ZNF628: variants seen among roughly 807,000 people sequenced by gnomAD.
ZNF628 encodes zinc finger protein 628, also known as zinc finger protein Zec.
In ZNF628, 3 loss-of-function variants were observed where a neutral mutation model predicts 2.5. The ratio of observed to expected loss-of-function variants is 1.19; its 90% CI spans 0.54 to 3.07. ZNF628 has a LOEUF of 3.07. Ranked by LOEUF, ZNF628 falls within the 30% of genes most tolerant of loss-of-function variation. The pLI, the probability that ZNF628 is intolerant of heterozygous loss-of-function variation, is 0.03. For missense variants in ZNF628, 1,610 were observed against 1,517.1 expected, an observed-to-expected ratio of 1.06 and a Z score of -1.02; for synonymous variants, 861 against 717.1, an observed-to-expected ratio of 1.20 and a Z score of -3.21.
rs555726710 is a variant in ZNF628 at position 55,479,358 on chromosome 19, T to G, written c.-77-476T>G. The stretch of plus-strand genomic sequence containing the variant: ...GGAAAGAGCGGGCTGACACTTGAGC[T>G]GCTCTGCTGTGAAGGAATGGAGAAA... On this transcript the variant is annotated intron_variant, in intron 1 of 2. Coordinates refer to ENST00000598519, the MANE Select transcript of ZNF628 (RefSeq NM_033113.3). The surrounding 1 kb of genome is among the most constrained non-coding windows in gnomAD (Gnocchi z 5.1). 6.6e-6 allele frequency among the ~76,000 whole-genome samples: 1 copy of G among 152,358 alleles called. No individual in the cohort carries two copies. The highest frequency in any genetic ancestry group is 6.5e-5 in the Admixed American group (1 of 15,302).
chr19:55,482,656 G>T lies in ZNF628; in HGVS notation c.1463G>T (p.Gly488Val). Residue 488 changes from glycine to valine, a missense_variant, in exon 3 of 3, where the codon GGC becomes GTC. Around this residue, in one of 5 missense-constraint regions of ZNF628, gnomAD observed 651 missense variants for 575.6 expected, o/e 1.13. Coordinates refer to ENST00000598519, the MANE Select transcript of ZNF628 (RefSeq NM_033113.3). ...CGGCCCTACCAGTGTGGCGAGTGCG[G>T]CAAGGCCTTCAAGCGCTCCTCCCTG... Reference protein sequence around the residue: ...GERPYQCGECGKAFKRSSLLA... With the variant: ...GERPYQCGECVKAFKRSSLLA... 2 of 1,610,676 alleles carry T rather than the reference G, an allele frequency of 1.2e-6. No homozygotes were observed. Among genetic ancestry groups the T allele is most frequent in the Non-Finnish European group, 1.7e-6 (2 of 1,179,044 alleles).
rs987396187 is a variant in ZNF628, at chr19:55,482,934, C to T, written c.1741C>T (p.Leu581=). 6.8e-6 allele frequency: 11 copies of T among 1,609,668 alleles called. No individual in the cohort carries two copies. The highest frequency in any genetic ancestry group is 4.0e-5 in the African/African-American group (3 of 74,874). Residue 581 remains leucine, a synonymous_variant, in exon 3 of 3, where the codon CTG becomes TTG. Transcript: ENST00000598519. ...CGKSFAQTSN[L]RQHQRVHTGE... ...CAAGAGCTTCGCGCAGACCTCCAAC[C>T]TGCGGCAGCACCAGCGCGTGCACAC... is the stretch of plus-strand genomic sequence containing the variant.
rs758382021 is a variant in ZNF628, at chr19:55,482,591, C to T, written c.1398C>T (p.Ser466=). The change falls in exon 3 of 3, where the codon TCC becomes TCT. Residue 466 remains serine, a synonymous_variant. Coordinates refer to ENST00000598519, the MANE Select transcript of ZNF628 (RefSeq NM_033113.3). ...AGTGCGGCAAGTCCTTCAAGGGCTC[C>T]TCCGGGCTGCGCTACCACCTGCGGG... ...CAECGKSFKG[S]SGLRYHLRDH... is the part of the protein sequence containing the mutation. 19 of 1,603,114 alleles carry T rather than the reference C, an allele frequency of 1.2e-5. No homozygotes were observed. Among genetic ancestry groups the T allele is most frequent in the African/African-American group, 6.7e-5 (5 of 74,840 alleles).
Position 55,482,954 on chromosome 19 carries a change from G to T in ZNF628, c.1761G>T (p.Val587=), listed in dbSNP as rs1337049730. The T allele has an allele frequency of 2.5e-6, 4 of 1,609,528 alleles. No individual in the cohort carries two copies. The South Asian group carries it at 3.3e-5, about 13-fold the overall frequency. ...CCAACCTGCGGCAGCACCAGCGCGT[G>T]CACACGGGCGAGCGGCCCTTCCGCT... The part of the protein sequence containing the change: ...QTSNLRQHQR[V]HTGERPFRCP... Residue 587 remains valine (V), a synonymous_variant, in exon 3 of 3, where the codon GTG becomes GTT. Coordinates refer to ENST00000598519, the MANE Select transcript of ZNF628 (RefSeq NM_033113.3).
Position 55,481,700 on chromosome 19 carries a change from G to A in ZNF628, c.507G>A (p.Val169=), listed in dbSNP as rs149192703. ...CCAGCCTGCGGCGCCACCGCCACGT[G>A]CACACCGGCGAGCGGCCCTACACCT... ...NSSSLRRHRH[V]HTGERPYTCG... Residue 169 remains valine (V), a synonymous_variant, in exon 3 of 3, where the codon GTG becomes GTA. Transcript: ENST00000598519. The A allele has an allele frequency of 8.7e-4, 1,408 of 1,612,224 alleles. 3 individuals carry two copies. The highest frequency in any genetic ancestry group is 2.1e-3 in the South Asian group (193 of 90,980).
Position 55,482,229 on chromosome 19 carries a change from C to T in ZNF628, c.1036C>T (p.Pro346Ser), listed in dbSNP as rs1464473804. 4 of 1,450,758 alleles carry T rather than the reference C, an allele frequency of 2.8e-6. No homozygotes were observed. The highest frequency in any genetic ancestry group is 1.5e-5 in the African/African-American group (1 of 66,988). 89.9% of individuals were successfully genotyped at this position (1,450,758 alleles called of 1,614,324 possible). The change falls in exon 3 of 3, where the codon CCT becomes TCT. Residue 346 changes from proline (P) to serine (S), a missense_variant. Physicochemically the swap from Pro to Ser is moderately conservative, Grantham distance 74 (BLOSUM62 -1). Around this residue, in one of 5 missense-constraint regions of ZNF628, gnomAD observed 651 missense variants for 575.6 expected, o/e 1.13. Transcript: ENST00000598519. ...GCCACCGTCCCCTCTGCCGCAGCCC[C>T]CTCCTCCCGCCGCCGCCCCCGCGCC... ...DQPPSPLPQP[P>S]PPAAAPAPGF...
In ZNF628 at chr19:55,481,183, C is replaced by A; in HGVS notation, c.8-18C>A. 3 of 1,512,320 alleles carry A rather than the reference C, an allele frequency of 2.0e-6. No homozygotes were observed. The highest frequency in any genetic ancestry group is 2.6e-6 in the Non-Finnish European group (3 of 1,133,348). 93.7% of individuals were successfully genotyped at this position (1,512,320 alleles called of 1,614,324 possible). A position where few individuals can be genotyped will look rare whatever the true frequency, so the allele number is the denominator to read the frequency against. On this transcript the variant is annotated intron_variant, in intron 2 of 2. Coordinates refer to ENST00000598519, the MANE Select transcript of ZNF628 (RefSeq NM_033113.3). ...TCCAGTGCGGGGGTGAGCCGCTGAC[C>A]CAGAATCCCTCCCCCAGGTGTGATG...
rs2123412951 is a variant in ZNF628, at chr19:55,482,485, A to G, written c.1292A>G (p.Glu431Gly). The stretch of plus-strand genomic sequence containing the variant: ...GCTGCGGAGGTGACCTGCCCCCAGG[A>G]ACCGCTGGCGCCTGCCGCCCCCGTC... ...AEAAEVTCPQ[E>G]PLAPAAPVPP... The change falls in exon 3 of 3, where the codon GAA becomes GGA. Residue 431 changes from glutamate (E) to glycine (G), a missense_variant. Coordinates refer to ENST00000598519, the MANE Select transcript of ZNF628 (RefSeq NM_033113.3). 7.0e-7 allele frequency: 1 copy of G among 1,438,758 alleles called. No homozygotes were observed. Among genetic ancestry groups the G allele is most frequent in the Non-Finnish European group, 9.1e-7 (1 of 1,101,654 alleles). The allele number at this position is 1,438,758 out of a possible 1,614,324, so 89.1% of individuals were successfully genotyped here.
rs908620597 is a variant in ZNF628, at chr19:55,484,409, G to C, written c.*36G>C. The C allele has an allele frequency of 2.1e-6, 3 of 1,421,106 alleles. No homozygotes were observed. The highest frequency in any genetic ancestry group is 2.8e-6 in the Non-Finnish European group (3 of 1,083,412). The allele number at this position is 1,421,106 out of a possible 1,614,324, so 88.0% of individuals were successfully genotyped here. On this transcript the variant is annotated 3_prime_UTR_variant, in exon 3 of 3. Transcript: ENST00000598519. ...TGATTCCCCTCCCGCCCCGCACAGAGACCCCGACTCACTGCCAGCCGGGGC... is the reference window on the plus strand; with the variant it reads ...TGATTCCCCTCCCGCCCCGCACAGACACCCCGACTCACTGCCAGCCGGGGC...
In ZNF628 at chr19:55,481,669, A is replaced by G. The variant is rs750402175; in HGVS notation, c.476A>G (p.Asn159Ser). 77 of 1,604,672 alleles carry G rather than the reference A, an allele frequency of 4.8e-5. No individual in the cohort carries two copies. The Admixed American group carries it at 1.3e-3, about 27-fold the overall frequency. ...CCGGACTGCCCCAAGGCCTTCAAGA[A>G]CTCGTCCAGCCTGCGGCGCCACCGC... ...PCPDCPKAFK[N>S]SSSLRRHRHV... The change falls in exon 3 of 3, where the codon AAC (asparagine) becomes AGC (serine). Residue 159 changes from asparagine (N) to serine (S), a missense_variant. Physicochemically the swap from Asn to Ser is conservative, Grantham distance 46. Transcript: ENST00000598519.
chr19:55,481,985 CCCGCCCGCGCCTCCCGCCCCG>C lies in ZNF628; in HGVS notation c.799_819del (p.Ala267_Pro273del). The C allele has an allele frequency of 6.9e-7, 1 of 1,457,244 alleles. No individual in the cohort carries two copies. 90.3% of individuals were successfully genotyped at this position (1,457,244 alleles called of 1,614,324 possible). On this transcript the variant is annotated inframe_deletion, in exon 3 of 3. Transcript: ENST00000598519. ...TGCAGCGGCACCTCCAGCCCCACAGCCCGCCCGCGCCTCCCGCCCCGCCGCCCCCGCCCCCGCCCGTGGTGC... is the reference window on the plus strand; with the variant it reads ...TGCAGCGGCACCTCCAGCCCCACAGCCCGCCCCCGCCCCCGCCCGTGGTGC...
intron 2 of ZNF628, among the ~76,000 whole-genome samples, chr19:55,480,546 G>C (rs1290197261): frequency 1.3e-5 from 2 of 152,114 alleles, no homozygotes; most frequent in African/African-American, 4.8e-5. Context: ...TCAGCCTCCT[G>C]AGTAGCTGGG....
At position 55,482,711 on chromosome 19, in the gene ZNF628, C is replaced by G; in HGVS notation, c.1518C>G (p.Gly506=). 6.2e-7 allele frequency: 1 copy of G among 1,612,678 alleles called. No homozygotes were observed. Among genetic ancestry groups the G allele is most frequent in the Non-Finnish European group, 8.5e-7 (1 of 1,179,462 alleles). ...CCATCCACCAGCGGGTGCACACGGG[C>G]CTGCGGGCCTTCACCTGTGGCCAGT... ...LLAIHQRVHT[G]LRAFTCGQCG... is the part of the protein sequence containing the mutation. Residue 506 remains glycine, a synonymous_variant, in exon 3 of 3, where the codon GGC becomes GGG. Coordinates refer to ENST00000598519, the MANE Select transcript of ZNF628 (RefSeq NM_033113.3).
chr19:55,481,169 G>T, intron 2 of ZNF628, 32 bp from the exon 3 acceptor site: 1 of 1,491,106 alleles, frequency 6.7e-7, no homozygotes, highest in Non-Finnish European at 8.9e-7. Context: ...CCAGTGCGGG[G>T]GTGAGCCGCT....
chr19:55,481,135 G>T, intron 2 of ZNF628, 66 bp from the exon 3 acceptor site: 1 of 1,449,816 alleles, frequency 6.9e-7, no homozygotes, highest in Non-Finnish European at 9.0e-7. Flanking sequence ...AAGAGCCCGT[G>T]TGTGGGTTTG....
Position 55,482,444 on chromosome 19 carries a change from GC to G in ZNF628, c.1256del (p.Pro419ArgfsTer8). ...TGGAAGAGGCCGCGGCCGGGCGCCC[GC>G]CCCCGCAGGCTGAGGCTGCGGAGGT... is the stretch of plus-strand genomic sequence containing the variant. Reference protein sequence around the residue: ...HVEEAAAGRPPPQAEAAEVTC... With the variant: ...HVEEAAAGRPXPQAEAAEVTC... On this transcript the variant is annotated frameshift_variant, in exon 3 of 3. Coordinates refer to ENST00000598519, the MANE Select transcript of ZNF628 (RefSeq NM_033113.3). LOFTEE classifies it low-confidence loss of function (END_TRUNC). 1 of 1,351,804 alleles carries G rather than the reference GC, an allele frequency of 7.4e-7. No individual in the cohort carries two copies. Among genetic ancestry groups the G allele is most frequent in the Non-Finnish European group, 9.5e-7 (1 of 1,056,326 alleles). 83.7% of individuals were successfully genotyped at this position (1,351,804 alleles called of 1,614,324 possible).
intron 1 of ZNF628, among the ~76,000 whole-genome samples, chr19:55,477,716 C>G (rs1459399751): frequency 6.6e-6 from 1 of 151,786 alleles, no homozygotes; most frequent in Non-Finnish European, 1.5e-5. Flanking sequence ...GAGCCGAGAT[C>G]GCGCCACTGC....
Position 55,481,447 on chromosome 19 carries a change from G to C in ZNF628, c.254G>C (p.Gly85Ala). The change falls in exon 3 of 3, where the codon GGC becomes GCC. Residue 85 changes from glycine to alanine, a missense_variant. By Grantham distance (60) the Gly-to-Ala change is moderately conservative. Transcript: ENST00000598519. ...TCGGCCCTGCTCTACCACCAGCGAGGCCACACGGGCGAGCGGCCCTACCAG... is the reference window on the plus strand; with the variant it reads ...TCGGCCCTGCTCTACCACCAGCGAGCCCACACGGGCGAGCGGCCCTACCAG... ...GSSALLYHQRGHTGERPYQCP... is the reference protein window; with the variant it reads ...GSSALLYHQRAHTGERPYQCP... 1 of 1,610,892 alleles carries C rather than the reference G, an allele frequency of 6.2e-7. No individual in the cohort carries two copies. The highest frequency in any genetic ancestry group is 1.1e-5 in the South Asian group (1 of 90,968).
chr19:55,480,362 C>G (rs2123409789), intron 2 of ZNF628, among the ~76,000 whole-genome samples: 1 of 151,816 alleles, frequency 6.6e-6, no homozygotes, highest in South Asian at 2.1e-4. Context: ...TCTCCTGCCT[C>G]AGCCTCCCAA....
Sources: allele counts gnomAD v4.1 joint callset (sites outside exome capture counted in the v4.1 genomes callset), GRCh38; gene constraint gnomAD v4.1.1; regional missense constraint gnomAD v4.1.1; non-coding constraint Gnocchi (gnomAD v3.1); transcripts MANE v1.5; gene names NCBI Gene and HGNC (gene_info 2026-07-23, HGNC 2026-07-21).